ARHGEF6: variants seen among roughly 807,000 people sequenced by gnomAD.
The protein encoded by ARHGEF6 is rho guanine nucleotide exchange factor 6.
A neutral mutation model predicts 70.3 loss-of-function variants in ARHGEF6; 9 were observed. The ratio of observed to expected loss-of-function variants is 0.13; its 90% CI spans 0.08 to 0.22. ARHGEF6 has a LOEUF of 0.22. Among genes scored for constraint, ARHGEF6 ranks in the 10% least tolerant of loss-of-function variants. The pLI is 1.00. For missense variants in ARHGEF6, 470 were observed against 563.0 expected, an observed-to-expected ratio of 0.83 and a Z score of 1.67; for synonymous variants, 201 against 207.8, an observed-to-expected ratio of 0.97 and a Z score of 0.28.
At chrX:136,767,092 G>C (rs751140185) in intron 2 of ARHGEF6, 1,903 of 590,886 alleles carry the variant, frequency 3.2e-3, no homozygotes, top group Non-Finnish European at 3.7e-3. Flanking sequence ...ACCCACCCCC[G>C]GGCCCTCGCG....
intron 5 of ARHGEF6, among the ~76,000 whole-genome samples, chrX:136,732,802 T>C (rs1303302370): frequency 2.7e-5 from 3 of 111,954 alleles, no homozygotes; most frequent in Non-Finnish European, 5.6e-5. Flanking sequence ...TCTTGATTTA[T>C]GATACTTTCA....
intron 12 of ARHGEF6, 71 bp downstream of exon 12, chrX:136,685,604 CAA>C (rs377510796): frequency 0.057 from 46,453 of 819,115 alleles, no homozygotes; most frequent in Admixed American, 0.09. Context: ...AAGACTCCGT[CAA>C]AAAAAAAAAA....
chrX:136,728,382 T>C (rs1013229737), intron 6 of ARHGEF6, among the ~76,000 whole-genome samples: 6 of 110,645 alleles, frequency 5.4e-5, no homozygotes, highest in African/African-American at 2.0e-4. Flanking sequence ...ACTGGACAAC[T>C]ATGTAACATT....
At chrX:136,710,233 A>G (rs1040855656) in intron 7 of ARHGEF6, among the ~76,000 whole-genome samples, 86 of 100,679 alleles carry the variant, frequency 8.5e-4, no homozygotes, top group Non-Finnish European at 1.5e-3. Flanking sequence ...GAACCTGGGA[A>G]GCAGAGGTTG....
chrX:136,682,667 G>A, intron 13 of ARHGEF6, 91 bp downstream of exon 13: 2 of 707,746 alleles, frequency 2.8e-6, no homozygotes, highest in South Asian at 4.5e-5. Flanking sequence ...CCTGGCTTGA[G>A]CTTTTAATGC....
At chrX:136,673,034 C>T (rs2076241262) in intron 19 of ARHGEF6, among the ~76,000 whole-genome samples, 1 of 112,428 alleles carries the variant, frequency 8.9e-6, no homozygotes, top group Admixed American at 9.4e-5. Flanking sequence ...TCTGTGGATT[C>T]AACCAACCGT....
chrX:136,670,704 G>C (rs2076216772), intron 20 of ARHGEF6, among the ~76,000 whole-genome samples: 1 of 111,705 alleles, frequency 9.0e-6, no homozygotes, highest in Non-Finnish European at 1.9e-5. Flanking sequence ...CATATAATGA[G>C]AGGTATCACA....
At position 136,667,301 on chromosome X, in the gene ARHGEF6, T is replaced by C. The variant is rs2148558468; in HGVS notation, c.*728A>G. ...TAGAATTTGCTGATGGATTTGGTGTTGGTGTGGGTGACCAGAGCTTCTGCC... is the reference window on the plus strand; with the variant it reads ...TAGAATTTGCTGATGGATTTGGTGTCGGTGTGGGTGACCAGAGCTTCTGCC... On this transcript the variant is annotated 3_prime_UTR_variant, in exon 22 of 22. Transcript: ENST00000250617. 8.9e-6 allele frequency: 1 copy of C among 112,408 alleles called. No individual in the cohort carries two copies. The highest frequency in any genetic ancestry group is 3.2e-5 in the African/African-American group (1 of 30,912). 9.3% of individuals were successfully genotyped at this position (112,408 alleles called of 1,213,427 possible).
chrX:136,681,229 C>A (rs753776662), intron 14 of ARHGEF6, among the ~76,000 whole-genome samples: 1 of 111,885 alleles, frequency 8.9e-6, no homozygotes, highest in East Asian at 2.8e-4. Flanking sequence ...CCCCTGGTAT[C>A]AAAGTTGGAA....
Position 136,686,421 on chromosome X carries a change from T to C in ARHGEF6, c.1246-598A>G, listed in dbSNP as rs193105874. On this transcript the variant is annotated intron_variant, in intron 11 of 21. Coordinates refer to ENST00000250617, the MANE Select transcript of ARHGEF6 (RefSeq NM_004840.3). ...GCTGTACTTTGTTTAAGGACCAAGA[T>C]TGCTGTGAAAAAAATACTAAATTAG... Among the ~76,000 whole-genome samples the C allele has an allele frequency of 1.8e-3, 191 of 107,279 alleles. 1 individual carries two copies. Among genetic ancestry groups the C allele is most frequent in the African/African-American group, 5.8e-3 (170 of 29,540 alleles). 93.2% of individuals were successfully genotyped at this position (107,279 alleles called of 115,157 possible). A position where few individuals can be genotyped will look rare whatever the true frequency, so the allele number is the denominator to read the frequency against.
intron 21 of ARHGEF6, among the ~76,000 whole-genome samples, chrX:136,668,533 C>CTTCTTCTTCTTCTTATTA (rs61661248): frequency 3.0e-5 from 3 of 98,461 alleles, no homozygotes; most frequent in African/African-American, 1.1e-4. Context: ...TCTTCTTCTT[C>CTTCTTCTTCTTCTTATTA]TTATTATTAT....
At chrX:136,718,772 AATTGCT>A (rs1441371758) in intron 6 of ARHGEF6, among the ~76,000 whole-genome samples, 4 of 110,787 alleles carry the variant, frequency 3.6e-5, no homozygotes, top group African/African-American at 1.3e-4. Context: ...GGTACTTGCT[AATTGCT>A]ATTCCAAGAA....
rs1365808969 is a variant in ARHGEF6, at chrX:136,711,273, C to T, written c.827+2003G>A. Among the ~76,000 whole-genome samples, 4 of 111,906 alleles carry T rather than the reference C, an allele frequency of 3.6e-5. No individual in the cohort carries two copies. The Admixed American group carries it at 3.8e-4, about 11-fold the overall frequency. Reference sequence around the variant, plus strand: ...CTTACCGTCTCCCCTCCCAGAGTTACCACTTCAGTTTCCATCTCCTCTGCC... The same window carrying T: ...CTTACCGTCTCCCCTCCCAGAGTTATCACTTCAGTTTCCATCTCCTCTGCC... On this transcript the variant is annotated intron_variant, in intron 7 of 21. Coordinates refer to ENST00000250617, the MANE Select transcript of ARHGEF6 (RefSeq NM_004840.3).
chrX:136,711,797 G>A (rs768198170), intron 7 of ARHGEF6, among the ~76,000 whole-genome samples: 1 of 112,111 alleles, frequency 8.9e-6, no homozygotes, highest in South Asian at 3.7e-4. Flanking sequence ...CTGGCCTCAA[G>A]TGATCCACCC....
rs979578723 is a variant in ARHGEF6, at chrX:136,727,793, G to A, written c.732+4309C>T. ...AAGTGATCCACCCACCTTGGCCTCCGAAGGTGCTGGGATTACAGGCGTGAG... is the reference window on the plus strand; with the variant it reads ...AAGTGATCCACCCACCTTGGCCTCCAAAGGTGCTGGGATTACAGGCGTGAG... On this transcript the variant is annotated intron_variant, in intron 6 of 21. Transcript: ENST00000250617. 1.4e-4 allele frequency among the ~76,000 whole-genome samples: 15 copies of A among 111,017 alleles called. No individual in the cohort carries two copies. In the East Asian group the frequency reaches 1.4e-3, roughly 10 times the overall value.
intron 19 of ARHGEF6, 106 bp from the exon 20 acceptor site, chrX:136,672,225 T>A (rs767071371): frequency 7.8e-6 from 5 of 639,710 alleles, no homozygotes; most frequent in Non-Finnish European, 1.3e-5. Flanking sequence ...GGGTCTTTGT[T>A]CATAGCATGT....
At chrX:136,745,811 G>A (rs1286560708) in intron 3 of ARHGEF6, among the ~76,000 whole-genome samples, 1 of 111,964 alleles carries the variant, frequency 8.9e-6, no homozygotes, top group African/African-American at 3.3e-5. Context: ...AAATCTCCCT[G>A]ATGTGTGTGG....
intron 6 of ARHGEF6, among the ~76,000 whole-genome samples, chrX:136,727,362 TTTC>T: frequency 3.1e-5 from 2 of 65,504 alleles, no homozygotes; most frequent in Non-Finnish European, 2.8e-5. Context: ...TCTTTCTTTC[TTTC>T]TTTCTTTCTT....
At chrX:136,675,640 C>T (rs1417742573) in intron 18 of ARHGEF6, among the ~76,000 whole-genome samples, 1 of 110,156 alleles carries the variant, frequency 9.1e-6, no homozygotes, top group Non-Finnish European at 1.9e-5. Flanking sequence ...CTCAGCCTCC[C>T]GAGTTGTTGG....
Sources: allele counts gnomAD v4.1 joint callset (sites outside exome capture counted in the v4.1 genomes callset), GRCh38; gene constraint gnomAD v4.1.1; transcripts MANE v1.5; gene names NCBI Gene and HGNC (gene_info 2026-07-23, HGNC 2026-07-21).